The following AGAP1 variants were observed in gnomAD, a reference collection of about 807,000 sequenced individuals.
AGAP1 encodes the protein ArfGAP with GTPase domain, ankyrin repeat and PH domain 1.
A neutral mutation model predicts 105.3 loss-of-function variants in AGAP1; 29 were observed. The ratio of observed to expected loss-of-function variants is 0.28; its 90% CI spans 0.21 to 0.38. AGAP1 has a LOEUF of 0.38. Ranked by LOEUF, AGAP1 falls within the 10% of genes least tolerant of loss-of-function variation. The probability of loss-of-function intolerance (pLI) is 1.00; values close to 1 mark genes in which losing one functional copy is unlikely to be tolerated. For synonymous variants in AGAP1, 509 were observed against 485.9 expected (o/e 1.05, Z -0.63); for missense variants, 998 against 1,165.1 (o/e 0.86, Z 2.09).
chr2:235,595,459 G>A (rs1945495580), intron 1 of AGAP1, among the ~76,000 whole-genome samples: 1 of 152,184 alleles, frequency 6.6e-6, no homozygotes. Context: ...GCCTTAATGT[G>A]CCTGCTCCTG....
intron 11 of AGAP1, among the ~76,000 whole-genome samples, chr2:235,911,170 G>A (rs938496924): frequency 6.6e-6 from 1 of 152,176 alleles, no homozygotes; most frequent in Non-Finnish European, 1.5e-5. Context: ...TTTGAATTAT[G>A]TATACATTGT....
intron 1 of AGAP1, among the ~76,000 whole-genome samples, chr2:235,527,942 G>C (rs1051525134): frequency 1.5e-4 from 23 of 152,232 alleles, no homozygotes. Context: ...ACCAAATTCT[G>C]TCTGTATCAT....
At chr2:235,727,930 T>C (rs761320016) in intron 3 of AGAP1, among the ~76,000 whole-genome samples, 3 of 152,010 alleles carry the variant, frequency 2.0e-5, no homozygotes, top group Admixed American at 1.3e-4. Context: ...AATGGAGAGA[T>C]TGACACTTCA....
intron 1 of AGAP1, among the ~76,000 whole-genome samples, chr2:235,672,079 C>T (rs568544122): frequency 6.6e-6 from 1 of 152,242 alleles, no homozygotes; most frequent in South Asian, 2.1e-4. Context: ...ATCCTCTTAT[C>T]TGAATTCTTT....
intron 1 of AGAP1, among the ~76,000 whole-genome samples, chr2:235,617,919 A>G (rs1456796249): frequency 2.0e-5 from 3 of 152,252 alleles, no homozygotes; most frequent in Non-Finnish European, 4.4e-5. Context: ...CTAAGATGGC[A>G]GTTGGGGGAC....
chr2:236,013,921 C>T (rs532855516), intron 13 of AGAP1, among the ~76,000 whole-genome samples: 2 of 152,152 alleles, frequency 1.3e-5, no homozygotes, highest in Non-Finnish European at 2.9e-5. Flanking sequence ...GTCTTCCCTG[C>T]CACAGATGTC....
intron 6 of AGAP1, among the ~76,000 whole-genome samples, chr2:235,779,690 C>T (rs138203662): frequency 1.6e-4 from 25 of 152,316 alleles, no homozygotes; most frequent in African/African-American, 5.8e-4. Context: ...GTGAGATCAT[C>T]AGTAACCTAC....
intron 12 of AGAP1, among the ~76,000 whole-genome samples, chr2:235,941,171 C>T (rs952260685): frequency 1.3e-5 from 2 of 152,168 alleles, no homozygotes; most frequent in Non-Finnish European, 2.9e-5. Flanking sequence ...AAAACACTGG[C>T]AGCAGTCTCA....
chr2:235,531,246 CA>C (rs1943034690), intron 1 of AGAP1, among the ~76,000 whole-genome samples: 1 of 152,152 alleles, frequency 6.6e-6, no homozygotes, highest in African/African-American at 2.4e-5. Context: ...TCTTGCAGTT[CA>C]TGAGATGACT....
intron 6 of AGAP1, among the ~76,000 whole-genome samples, chr2:235,757,020 A>G (rs1953983387): frequency 6.6e-6 from 1 of 152,190 alleles, no homozygotes; most frequent in Non-Finnish European, 1.5e-5. Context: ...CCAGTTCAGA[A>G]CATCACATTA....
Position 236,089,984 on chromosome 2 carries a change from T to C in AGAP1, c.2115-30208T>C, listed in dbSNP as rs2059018009. On this transcript the variant is annotated intron_variant, in intron 16 of 17. Transcript: ENST00000304032. The surrounding 1 kb of genome is among the most constrained non-coding windows in gnomAD (Gnocchi z 5.6). The stretch of plus-strand genomic sequence containing the variant: ...CACTGCTCCTATTATAAATCAACCT[T>C]ATGCCTGTACAGCAGCTCCCTGGCT... Among the ~76,000 whole-genome samples the C allele has an allele frequency of 6.6e-6, 1 of 152,078 alleles. No homozygotes were observed. Among genetic ancestry groups the C allele is most frequent in the African/African-American group, 2.4e-5 (1 of 41,404 alleles).
chr2:235,848,416 C>G (rs1180378352), intron 9 of AGAP1, among the ~76,000 whole-genome samples: 2 of 152,204 alleles, frequency 1.3e-5, no homozygotes, highest in Non-Finnish European at 2.9e-5. Flanking sequence ...TCTCTTCTTT[C>G]TAACACTGGG....
intron 1 of AGAP1, among the ~76,000 whole-genome samples, chr2:235,525,181 G>C (rs571320837): frequency 6.6e-6 from 1 of 152,312 alleles, no homozygotes; most frequent in African/African-American, 2.4e-5. Flanking sequence ...TTTGAAACTG[G>C]AGATATTGAT....
At chr2:235,661,922 C>T (rs543001963) in intron 1 of AGAP1, among the ~76,000 whole-genome samples, 49 of 152,300 alleles carry the variant, frequency 3.2e-4, no homozygotes, top group African/African-American at 1.1e-3. Context: ...CAGTCAGCTT[C>T]CCTACAGCTG....
In AGAP1 at chr2:235,572,673, A is replaced by G. The variant is rs191370908; in HGVS notation, c.163+77824A>G. 3.1e-3 allele frequency among the ~76,000 whole-genome samples: 470 copies of G among 152,256 alleles called. 5 individuals are homozygous for G. The highest frequency in any genetic ancestry group is 0.011 in the African/African-American group (460 of 41,542). ...CCAGAAAATAGTGGCCAACTTCCCC[A>G]TCACCTTGGCTAGAAGTCACCCCTC... is the stretch of plus-strand genomic sequence containing the variant. On this transcript the variant is annotated intron_variant, in intron 1 of 17. Coordinates refer to ENST00000304032, the MANE Select transcript of AGAP1 (RefSeq NM_001037131.3).
chr2:236,125,044 A>G lies in AGAP1; in HGVS notation c.*922A>G, dbSNP rs2059981573. On this transcript the variant is annotated 3_prime_UTR_variant, in exon 18 of 18. Coordinates refer to ENST00000304032, the MANE Select transcript of AGAP1 (RefSeq NM_001037131.3). The surrounding 1 kb of genome is among the most constrained non-coding windows in gnomAD (Gnocchi z 5.2). ...AAGGAAACCACAAATTCAGCTAATA[A>G]TAGCATTTCGAGTATATTTCGTAAA... is the stretch of plus-strand genomic sequence containing the variant. 2 of 166,716 alleles carry G rather than the reference A, an allele frequency of 1.2e-5. No homozygotes were observed. The highest frequency in any genetic ancestry group is 4.8e-5 in the African/African-American group (2 of 41,470). 10.3% of individuals were successfully genotyped at this position (166,716 alleles called of 1,614,324 possible). A position where few individuals can be genotyped will look rare whatever the true frequency, so the allele number is the denominator to read the frequency against.
At position 235,865,884 on chromosome 2, in the gene AGAP1, G is replaced by T. The variant is rs1217453048; in HGVS notation, c.1051-17461G>T. On this transcript the variant is annotated intron_variant, in intron 9 of 17. Transcript: ENST00000304032. The surrounding 1 kb of genome is among the most constrained non-coding windows in gnomAD (Gnocchi z 6.2). ...TGCCAGAAGTTTTCCGTTTGTGGAGGACTGGGGAAAGCCAGTTAATTGGGA... is the reference window on the plus strand; with the variant it reads ...TGCCAGAAGTTTTCCGTTTGTGGAGTACTGGGGAAAGCCAGTTAATTGGGA... Among the ~76,000 whole-genome samples, 1 of 152,180 alleles carries T rather than the reference G, an allele frequency of 6.6e-6. No individual in the cohort carries two copies. The highest frequency in any genetic ancestry group is 2.4e-5 in the African/African-American group (1 of 41,434).
chr2:235,773,800 G>A (rs35626060), intron 6 of AGAP1: 4,407 of 387,872 alleles, frequency 0.011, 42 homozygotes, highest in Non-Finnish European at 0.017. Flanking sequence ...CTTCTAATTA[G>A]TTGAGTGCCC....
intron 1 of AGAP1, among the ~76,000 whole-genome samples, chr2:235,698,968 TTAGAG>T (rs1334727395): frequency 4.0e-5 from 6 of 151,886 alleles, no homozygotes; most frequent in Admixed American, 3.3e-4. Context: ...TGTCTGGAGA[TTAGAG>T]AGGAGAGGAG....
Sources: gnomAD v4.1 joint callset for allele counts (sites outside exome capture counted in the v4.1 genomes callset) on GRCh38, gnomAD v4.1.1 for gene constraint, Gnocchi (gnomAD v3.1) non-coding constraint, MANE v1.5 for transcripts, NCBI Gene and HGNC (gene_info 2026-07-23, HGNC 2026-07-21) for gene names.